ZNF385D: variants seen among roughly 807,000 people sequenced by gnomAD.
ZNF385D encodes the protein zinc finger protein 385D.
A neutral mutation model predicts 35.8 loss-of-function variants in ZNF385D; 15 were observed. The ratio of observed to expected loss-of-function variants is 0.42; its 90% CI spans 0.28 to 0.64. The LOEUF is 0.64. ZNF385D is among the 30% of genes least tolerant of loss of function. The probability of loss-of-function intolerance (pLI) is 0.23; values close to 1 mark genes in which losing one functional copy is unlikely to be tolerated. For synonymous variants in ZNF385D, 212 were observed against 186.8 expected, an observed-to-expected ratio of 1.13 and a Z score of -1.10; for missense variants, 474 against 494.6, an observed-to-expected ratio of 0.96 and a Z score of 0.39.
intron 3 of ZNF385D, among the ~76,000 whole-genome samples, chr3:22,116,885 C>G (rs983281608): frequency 2.6e-5 from 4 of 151,988 alleles, no homozygotes; most frequent in Admixed American, 2.6e-4. Context: ...AATGAAAACA[C>G]TGAGTTGTCA....
chr3:22,236,996 T>C (rs1164521033), intron 2 of ZNF385D, among the ~76,000 whole-genome samples: 1 of 152,222 alleles, frequency 6.6e-6, no homozygotes, highest in Admixed American at 6.5e-5. Flanking sequence ...TGAATATTTA[T>C]GTATAAGAAT....
intron 1 of ZNF385D, among the ~76,000 whole-genome samples, chr3:21,685,159 T>C (rs1478238666): frequency 6.6e-6 from 1 of 152,200 alleles, no homozygotes; most frequent in African/African-American, 2.4e-5. Context: ...TCAAACAATT[T>C]CCTTTCTATT....
chr3:22,076,029 A>G (rs1180914807), intron 3 of ZNF385D, among the ~76,000 whole-genome samples: 1 of 151,944 alleles, frequency 6.6e-6, no homozygotes, highest in African/African-American at 2.4e-5. Flanking sequence ...AAATTCATCC[A>G]GCTTTGTCTC....
intron 3 of ZNF385D, among the ~76,000 whole-genome samples, chr3:21,791,522 T>C (rs2071925843): frequency 6.6e-6 from 1 of 152,192 alleles, no homozygotes; most frequent in Non-Finnish European, 1.5e-5. Flanking sequence ...CTCCTTCAAT[T>C]TCCTGTCCTG....
chr3:22,158,022 C>T (rs1705701935), intron 3 of ZNF385D, among the ~76,000 whole-genome samples: 1 of 152,022 alleles, frequency 6.6e-6, no homozygotes, highest in South Asian at 2.1e-4. Flanking sequence ...ACAAGCGATT[C>T]CAGATGTAAG....
chr3:22,216,527 T>A (rs980796129), intron 2 of ZNF385D, among the ~76,000 whole-genome samples: 7 of 151,910 alleles, frequency 4.6e-5, no homozygotes, highest in African/African-American at 1.7e-4. Flanking sequence ...TAACAGAAAA[T>A]CTTAAGCATT....
chr3:21,765,668 AAT>A (rs1447862137), intron 3 of ZNF385D, among the ~76,000 whole-genome samples: 1 of 152,010 alleles, frequency 6.6e-6, no homozygotes, highest in African/African-American at 2.4e-5. Flanking sequence ...AAGAGGAAGA[AAT>A]AGAGATACAT....
chr3:21,791,033 C>T (rs1272638968), intron 3 of ZNF385D, among the ~76,000 whole-genome samples: 1 of 152,174 alleles, frequency 6.6e-6, no homozygotes, highest in Non-Finnish European at 1.5e-5. Context: ...AGGCATAGCG[C>T]CATTTCAGAA....
At chr3:21,857,377 T>C (rs1391294384) in intron 3 of ZNF385D, among the ~76,000 whole-genome samples, 4 of 152,066 alleles carry the variant, frequency 2.6e-5, no homozygotes, top group African/African-American at 7.2e-5. Context: ...ACATAGTAAG[T>C]TGTATTCCTT....
intron 2 of ZNF385D, among the ~76,000 whole-genome samples, chr3:22,243,650 G>C (rs1699612616): frequency 6.6e-6 from 1 of 151,030 alleles, no homozygotes; most frequent in Non-Finnish European, 1.5e-5. Context: ...ATCAAAAGAT[G>C]TTAGAACACT....
At chr3:21,819,370 C>T (rs1043880712) in intron 3 of ZNF385D, among the ~76,000 whole-genome samples, 5 of 151,060 alleles carry the variant, frequency 3.3e-5, no homozygotes, top group East Asian at 3.9e-4. Context: ...GCCAGAAGCT[C>T]GAACCTAAAA....
chr3:22,087,436 T>A (rs1219820794), intron 3 of ZNF385D, among the ~76,000 whole-genome samples: 2 of 152,142 alleles, frequency 1.3e-5, no homozygotes, highest in East Asian at 3.9e-4. Context: ...TATATGAAAA[T>A]GAGGTATTCA....
At chr3:22,342,866 T>C (rs2125481850) in intron 2 of ZNF385D, among the ~76,000 whole-genome samples, 1 of 152,310 alleles carries the variant, frequency 6.6e-6, no homozygotes, top group South Asian at 2.1e-4. Context: ...TTCCTGACTA[T>C]TCCAAACCAC....
chr3:22,120,281 A>C (rs1703023856), intron 3 of ZNF385D, among the ~76,000 whole-genome samples: 1 of 151,886 alleles, frequency 6.6e-6, no homozygotes, highest in African/African-American at 2.4e-5. Flanking sequence ...CAGGTGTTGG[A>C]AGTTTGGTTT....
intron 1 of ZNF385D, among the ~76,000 whole-genome samples, chr3:21,718,636 T>C (rs1362985940): frequency 6.6e-6 from 1 of 152,218 alleles, no homozygotes; most frequent in Non-Finnish European, 1.5e-5. Context: ...AATAGCTTGT[T>C]AGTGGCAAAG....
At chr3:22,336,456 T>A (rs561300640) in intron 2 of ZNF385D, among the ~76,000 whole-genome samples, 2 of 152,280 alleles carry the variant, frequency 1.3e-5, no homozygotes, top group Admixed American at 6.5e-5. Context: ...ATTTTTTATC[T>A]TAATTGCAGC....
chr3:21,447,824 G>C (rs970173823), intron 4 of ZNF385D, among the ~76,000 whole-genome samples: 1 of 152,134 alleles, frequency 6.6e-6, no homozygotes, highest in Non-Finnish European at 1.5e-5. Flanking sequence ...CTAGAATCCT[G>C]TTAGGCAGCA....
At chr3:21,458,089 A>C (rs1032660603) in intron 4 of ZNF385D, among the ~76,000 whole-genome samples, 2 of 152,172 alleles carry the variant, frequency 1.3e-5, no homozygotes, top group African/African-American at 4.8e-5. Flanking sequence ...AAAACTAGCA[A>C]TGCAGGGCAA....
At chr3:21,424,259 ATT>A (rs576558580) in intron 6 of ZNF385D, among the ~76,000 whole-genome samples, 195 bp from the exon 7 acceptor site, 3,081 of 103,800 alleles carry the variant, frequency 0.03, 144 homozygotes, top group African/African-American at 0.09. Context: ...CCATATATAT[ATT>A]CATATATATA....
Sources: gnomAD v4.1 joint callset for allele counts (sites outside exome capture counted in the v4.1 genomes callset) on GRCh38, gnomAD v4.1.1 for gene constraint, MANE v1.5 for transcripts, NCBI Gene and HGNC (gene_info 2026-07-23, HGNC 2026-07-21) for gene names.